Variants in PDXP observed in about 807,000 individuals in gnomAD.
The protein encoded by PDXP is chronophin.
Under a neutral mutation model 14.4 loss-of-function variants are expected in PDXP, and 15 were observed. The observed-to-expected ratio is 1.04, with a 90% CI of 0.70 to 1.60. PDXP has a LOEUF of 1.60. PDXP is among the 40% of genes most tolerant of loss of function. The probability of loss-of-function intolerance (pLI) is 0.00; values close to 1 mark genes in which losing one functional copy is unlikely to be tolerated. For missense variants in PDXP, 413 were observed against 427.6 expected (o/e 0.97, Z 0.30); for synonymous variants, 233 against 205.6 (o/e 1.13, Z -1.14).
chr22:37,663,868 T>C (rs1375075078), intron 1 of PDXP, among the ~76,000 whole-genome samples: 3 of 150,942 alleles, frequency 2.0e-5, no homozygotes, highest in Admixed American at 1.3e-4. Context: ...TGGTGCAGGC[T>C]GGGCCTTTTA....
chr22:37,659,163 G>A lies in PDXP; in HGVS notation c.381G>A (p.Leu127=). The A allele has an allele frequency of 9.0e-7, 1 of 1,111,222 alleles. No homozygotes were observed. The highest frequency in any genetic ancestry group is 1.1e-6 in the Non-Finnish European group (1 of 911,334). The allele number at this position is 1,111,222 out of a possible 1,614,324, so 68.8% of individuals were successfully genotyped here. Residue 127 remains leucine, a synonymous_variant, in exon 1 of 2, where the codon CTG becomes CTA. Coordinates refer to ENST00000215904, the MANE Select transcript of PDXP (RefSeq NM_020315.5). ...GLRAELRAAG[L]RLAGDPSAGD... is the part of the protein sequence containing the mutation. ...GCGCCGAGCTGCGCGCCGCGGGGCTGCGCCTGGCCGGGGACCCGAGCGCGG... is the reference window on the plus strand; with the variant it reads ...GCGCCGAGCTGCGCGCCGCGGGGCTACGCCTGGCCGGGGACCCGAGCGCGG...
intron 1 of PDXP, among the ~76,000 whole-genome samples, chr22:37,659,558 T>C (rs1040276180): frequency 4.6e-5 from 7 of 152,190 alleles, no homozygotes; most frequent in African/African-American, 1.4e-4. Flanking sequence ...GTGTGGTCCC[T>C]GTTGGACAGA....
intron 1 of PDXP, 152 bp downstream of exon 1, chr22:37,659,508 G>T: frequency 2.1e-6 from 1 of 483,278 alleles, no homozygotes. Context: ...GGTGTGGGGG[G>T]CGGTTGATCC....
rs1227966156 is a variant in PDXP at position 37,665,858 on chromosome 22, G to A, written c.878G>A (p.Gly293Glu). The A allele has an allele frequency of 6.2e-7, 1 of 1,613,146 alleles. No homozygotes were observed. Among genetic ancestry groups the A allele is most frequent in the Admixed American group, 1.7e-5 (1 of 60,012 alleles). The change falls in exon 2 of 2, where the codon GGG becomes GAG. Residue 293 changes from glycine to glutamate, a missense_variant. Coordinates refer to ENST00000215904, the MANE Select transcript of PDXP (RefSeq NM_020315.5). ...YVESIADLTE[G>E]LED ...GAGAGCATCGCAGACTTGACAGAGG[G>A]GTTGGAGGACTGAGCCCACTGCACC...
chr22:37,659,439 A>T, intron 1 of PDXP, 83 bp downstream of exon 1: 1 of 1,056,048 alleles, frequency 9.5e-7, no homozygotes, highest in Non-Finnish European at 1.2e-6. Context: ...GGCGGGGAAG[A>T]GGCGTCTCCA....
rs530214422 is a variant in PDXP, at chr22:37,664,016, C to T, written c.575-1539C>T. Reference sequence around the variant, plus strand: ...CGTCATCTCAGCTCACCGCAGCCTCCGCCTCCCGGGCTTAAGTGATTCTCC... The same window carrying T: ...CGTCATCTCAGCTCACCGCAGCCTCTGCCTCCCGGGCTTAAGTGATTCTCC... On this transcript the variant is annotated intron_variant, in intron 1 of 1. Coordinates refer to ENST00000215904, the MANE Select transcript of PDXP (RefSeq NM_020315.5). 2.7e-5 allele frequency among the ~76,000 whole-genome samples: 4 copies of T among 150,072 alleles called. No homozygotes were observed. The East Asian group carries it at 7.8e-4, about 29-fold the overall frequency.
chr22:37,659,623 C>T (rs1933162518), intron 1 of PDXP, among the ~76,000 whole-genome samples: 1 of 152,108 alleles, frequency 6.6e-6, no homozygotes. Flanking sequence ...TCTGCCCTAC[C>T]CACCATCGGG....
Position 37,658,907 on chromosome 22 carries a change from A to C in PDXP, c.125A>C (p.Glu42Ala). The C allele has an allele frequency of 8.2e-7, 1 of 1,226,796 alleles. No individual in the cohort carries two copies. The highest frequency in any genetic ancestry group is 1.0e-6 in the Non-Finnish European group (1 of 982,170). 76.0% of individuals were successfully genotyped at this position (1,226,796 alleles called of 1,614,324 possible). The change falls in exon 1 of 2, where the codon GAG (glutamate) becomes GCG (alanine). Residue 42 changes from glutamate (E) to alanine (A), a missense_variant. Transcript: ENST00000215904. ...NGERAVPGAPELLERLARAGK... is the reference protein window; with the variant it reads ...NGERAVPGAPALLERLARAGK... The stretch of plus-strand genomic sequence containing the variant: ...GAGCGCGCCGTGCCGGGCGCCCCGG[A>C]GCTGCTGGAGCGGCTGGCGCGGGCC...
At chr22:37,665,466 G>A (rs1921039290) in intron 1 of PDXP, 89 bp from the exon 2 acceptor site, 1 of 1,084,316 alleles carries the variant, frequency 9.2e-7, no homozygotes, top group African/African-American at 1.6e-5. Flanking sequence ...ATTTGACCCT[G>A]GCACAATCCA....
chr22:37,660,910 T>G (rs893798701), intron 1 of PDXP, among the ~76,000 whole-genome samples: 1 of 152,138 alleles, frequency 6.6e-6, no homozygotes, highest in Non-Finnish European at 1.5e-5. Flanking sequence ...GTCCTTGGCC[T>G]CTCCTGGCTG....
intron 1 of PDXP, among the ~76,000 whole-genome samples, chr22:37,664,344 C>A (rs769032659): frequency 2.0e-5 from 3 of 152,112 alleles, no homozygotes; most frequent in Non-Finnish European, 4.4e-5. Context: ...ATCCTCCCAC[C>A]TGTGCTTCCC....
chr22:37,665,497 CAGGGCCTG>C, intron 1 of PDXP, 50 bp from the exon 2 acceptor site: 1 of 1,393,200 alleles, frequency 7.2e-7, no homozygotes, highest in South Asian at 1.3e-5. Context: ...CTTCCAGTTT[CAGGGCCTG>C]ACGCTGTCCC....
intron 1 of PDXP, among the ~76,000 whole-genome samples, chr22:37,661,478 T>G (rs1362302434): frequency 6.6e-6 from 1 of 152,164 alleles, no homozygotes; most frequent in African/African-American, 2.4e-5. Context: ...AATTGTGTGT[T>G]TATCTTGTCA....
In PDXP at chr22:37,663,275, G is replaced by A. The variant is rs546539437; in HGVS notation, c.575-2280G>A. 2.1e-4 allele frequency among the ~76,000 whole-genome samples: 31 copies of A among 146,112 alleles called. No homozygotes were observed. The South Asian group carries it at 6.6e-3, about 31-fold the overall frequency. ...GCCGAGATGACGCCACTGCACTTAA[G>A]CCTGGGCAACAGAGCGAGACTCCGT... On this transcript the variant is annotated intron_variant, in intron 1 of 1. Transcript: ENST00000215904.
chr22:37,665,453 C>A, intron 1 of PDXP, 102 bp from the exon 2 acceptor site: 1 of 943,730 alleles, frequency 1.1e-6, no homozygotes, highest in Non-Finnish European at 1.6e-6. Context: ...CTGTCAGCAG[C>A]CGATTTGACC....
At chr22:37,665,502 C>T in intron 1 of PDXP, 53 bp from the exon 2 acceptor site, 3 of 1,423,552 alleles carry the variant, frequency 2.1e-6, no homozygotes, top group Non-Finnish European at 1.9e-6. Context: ...AGTTTCAGGG[C>T]CTGACGCTGT....
At position 37,658,826 on chromosome 22, in the gene PDXP, T is replaced by G; in HGVS notation, c.44T>G (p.Val15Gly). The G allele has an allele frequency of 8.4e-7, 1 of 1,188,788 alleles. No individual in the cohort carries two copies. Among genetic ancestry groups the G allele is most frequent in the African/African-American group, 1.6e-5 (1 of 62,590 alleles). The allele number at this position is 1,188,788 out of a possible 1,614,324, so 73.6% of individuals were successfully genotyped here. The change falls in exon 1 of 2, where the codon GTG (valine) becomes GGG (glycine). Residue 15 changes from valine (V) to glycine (G), a missense_variant. Transcript: ENST00000215904. Reference protein sequence around the residue: ...ERLRGAALRDVLGRAQGVLFD... With the variant: ...ERLRGAALRDGLGRAQGVLFD... ...CTGCGCGGAGCGGCCCTGCGCGACG[T>G]GCTGGGCCGGGCGCAGGGGGTCCTG...
intron 1 of PDXP, among the ~76,000 whole-genome samples, chr22:37,661,917 ATTTTTTTTTTTTTTTTTTTTTTTTTTT>A (rs763030330): frequency 4.4e-4 from 31 of 71,220 alleles, no homozygotes; most frequent in Non-Finnish European, 7.4e-4. Flanking sequence ...TTTTTCTTTA[ATTTTTTTTTTTTTTTTTTTTTTTTTTT>A]TTTTTTTTTT....
chr22:37,659,097 C>G lies in PDXP; in HGVS notation c.315C>G (p.Asp105Glu). The G allele has an allele frequency of 9.5e-7, 1 of 1,048,956 alleles. No individual in the cohort carries two copies. Among genetic ancestry groups the G allele is most frequent in the Non-Finnish European group, 1.1e-6 (1 of 873,262 alleles). The allele number at this position is 1,048,956 out of a possible 1,614,324, so 65.0% of individuals were successfully genotyped here. Reference sequence around the variant, plus strand: ...GCCAGCGCCTGCCCGGGCCTCCGGACGCGCCGGGCGCCGTGTTCGTGCTGG... The same window carrying G: ...GCCAGCGCCTGCCCGGGCCTCCGGAGGCGCCGGGCGCCGTGTTCGTGCTGG... The part of the protein sequence containing the change: ...LLRQRLPGPP[D>E]APGAVFVLGG... Residue 105 changes from aspartate to glutamate, a missense_variant, in exon 1 of 2, where the codon GAC becomes GAG. Coordinates refer to ENST00000215904, the MANE Select transcript of PDXP (RefSeq NM_020315.5).
Sources: gnomAD v4.1 joint callset for allele counts (sites outside exome capture counted in the v4.1 genomes callset) on GRCh38, gnomAD v4.1.1 for gene constraint, MANE v1.5 for transcripts, NCBI Gene and HGNC (gene_info 2026-07-23, HGNC 2026-07-21) for gene names.